Variants in TNIP3 observed in about 807,000 individuals in gnomAD.
The protein encoded by TNIP3 is TNFAIP3 interacting protein 3.
TNIP3 carries 34 observed loss-of-function variants against 54.1 expected under a neutral mutation model. The observed-to-expected ratio is 0.63, with a 90% CI of 0.48 to 0.84. TNIP3 has a LOEUF of 0.84. Ranked by LOEUF, TNIP3 falls within the 40% of genes least tolerant of loss-of-function variation. TNIP3 has a pLI of 0.00. For missense variants in TNIP3, 366 were observed against 387.6 expected (o/e 0.94, Z 0.47); for synonymous variants, 134 against 136.8 (o/e 0.98, Z 0.14).
upstream of TNIP3, among the ~76,000 whole-genome samples, chr4:121,166,712 T>C (rs1730787023): frequency 1.3e-5 from 2 of 152,212 alleles, no homozygotes; most frequent in Non-Finnish European, 2.9e-5. Context: ...GAGTACTATA[T>C]TTCTATAAGT....
At chr4:121,158,653 T>G in intron 3 of TNIP3, 34 bp downstream of exon 3, 2 of 1,557,860 alleles carry the variant, frequency 1.3e-6, no homozygotes, top group Non-Finnish European at 1.8e-6. Context: ...GATAATGGCT[T>G]TAAAGAAAAT....
intron 2 of TNIP3, among the ~76,000 whole-genome samples, chr4:121,197,237 C>CCT (rs1725641631): frequency 6.6e-6 from 1 of 152,070 alleles, no homozygotes; most frequent in South Asian, 2.1e-4. Context: ...TTTAAGAACA[C>CCT]CTAAGTCCTG....
At chr4:121,152,565 CATTCACCCATTCAATA>C (rs1729825664) in intron 5 of TNIP3, among the ~76,000 whole-genome samples, 1 of 152,100 alleles carries the variant, frequency 6.6e-6, no homozygotes, top group Non-Finnish European at 1.5e-5. Flanking sequence ...TAAATTCATC[CATTCACCCATTCAATA>C]AATATTTAAG....
intron 2 of TNIP3, among the ~76,000 whole-genome samples, chr4:121,205,447 A>G (rs1157801087): frequency 6.6e-6 from 1 of 152,090 alleles, no homozygotes; most frequent in East Asian, 1.9e-4. Flanking sequence ...CATTGTAAAA[A>G]CTTTGCATTT....
At chr4:121,146,227 T>A (rs1274615893) in intron 7 of TNIP3, among the ~76,000 whole-genome samples, 1 of 152,190 alleles carries the variant, frequency 6.6e-6, no homozygotes, top group Non-Finnish European at 1.5e-5. Context: ...AAATCAGAGA[T>A]AAAATTAAAT....
chr4:121,223,138 G>A (rs1047685463), intron 1 of TNIP3, among the ~76,000 whole-genome samples: 1 of 152,142 alleles, frequency 6.6e-6, no homozygotes, highest in South Asian at 2.1e-4. Flanking sequence ...TATGCTTCAG[G>A]TGAAACTAGT....
At chr4:121,141,269 C>T (rs1198957968) in intron 9 of TNIP3, among the ~76,000 whole-genome samples, 1 of 152,176 alleles carries the variant, frequency 6.6e-6, no homozygotes, top group African/African-American at 2.4e-5. Flanking sequence ...ATCAATTCCC[C>T]TCACAAATAA....
upstream of TNIP3, among the ~76,000 whole-genome samples, chr4:121,219,786 T>C (rs1290913573): frequency 1.3e-5 from 2 of 152,196 alleles, no homozygotes; most frequent in East Asian, 3.8e-4. Flanking sequence ...CAAATGTAAT[T>C]CACATACAAT....
At position 121,186,225 on chromosome 4, in the gene TNIP3, C is replaced by T. The variant is rs1378443540; in HGVS notation, c.69-3429G>A. On this transcript the variant is annotated intron_variant, in intron 2 of 12. Coordinates refer to the TNIP3 transcript ENST00000507879. ...AGAGAACCATATGGTGGTGACCAGA[C>T]GTGGGGGGGTTTGGTCACACCTATG... 3.9e-5 allele frequency among the ~76,000 whole-genome samples: 6 copies of T among 152,116 alleles called. 1 individual carries two copies. The highest frequency in any genetic ancestry group is 2.1e-4 in the South Asian group (1 of 4,818).
At chr4:121,225,274 G>C (rs1279432310) in intron 1 of TNIP3, among the ~76,000 whole-genome samples, 1 of 152,250 alleles carries the variant, frequency 6.6e-6, no homozygotes, top group East Asian at 1.9e-4. Context: ...AGATTCATTT[G>C]TTTGGATTGT....
chr4:121,200,492 G>T (rs1725822559), intron 2 of TNIP3, among the ~76,000 whole-genome samples: 1 of 152,148 alleles, frequency 6.6e-6, no homozygotes, highest in African/African-American at 2.4e-5. Context: ...ACAGTTGGCA[G>T]CTGTGGGGTC....
rs774779366 is a variant in TNIP3 at position 121,157,088 on chromosome 4, G to T, written c.363+6C>A. 2.1e-5 allele frequency: 34 copies of T among 1,612,940 alleles called. No individual in the cohort carries two copies. The African/African-American group carries it at 3.9e-4, about 18-fold the overall frequency. ...CTCCGGGCTCGAGGACCCGGGCCCC[G>T]CCCACCTCCTCCCGCTGCAGCCGGT... On this transcript the variant is annotated splice_donor_region_variant and intron_variant, in intron 4 of 10. Transcript: ENST00000057513.
At chr4:121,194,607 C>T (rs900027242) in intron 2 of TNIP3, among the ~76,000 whole-genome samples, 2 of 151,676 alleles carry the variant, frequency 1.3e-5, no homozygotes, top group Non-Finnish European at 2.9e-5. Context: ...GTATTCTAGC[C>T]CAAGGATTCT....
Position 121,159,574 on chromosome 4 carries a change from G to A in TNIP3, c.148-822C>T, listed in dbSNP as rs554102253. ...AGCCTAGGCTCCATTAACTGATCAC[G>A]ATTTTCTTGCAATAATGTGTTTTAA... On this transcript the variant is annotated intron_variant, in intron 2 of 10. Transcript: ENST00000057513. Among the ~76,000 whole-genome samples the A allele has an allele frequency of 5.9e-5, 9 of 152,236 alleles. No individual in the cohort carries two copies. In the South Asian group the frequency reaches 1.7e-3, roughly 28 times the overall value.
chr4:121,176,498 C>A lies in TNIP3; in HGVS notation c.189+6178G>T, dbSNP rs983493412. Among the ~76,000 whole-genome samples the A allele has an allele frequency of 1.4e-5, 2 of 147,064 alleles. 1 individual carries two copies. The stretch of plus-strand genomic sequence containing the variant: ...ATTAAAGAAAATTTTGAGGCTCAAG[C>A]TCATCCTACTAGCATTATGATGATG... On this transcript the variant is annotated intron_variant, in intron 3 of 12. Coordinates refer to the TNIP3 transcript ENST00000507879.
chr4:121,158,278 A>T (rs889659367), intron 3 of TNIP3, among the ~76,000 whole-genome samples: 1 of 152,154 alleles, frequency 6.6e-6, no homozygotes, highest in Admixed American at 6.5e-5. Context: ...TTTGTGGAAA[A>T]TAGGTCATGC....
In TNIP3 at chr4:121,135,591, G is replaced by C. The variant is rs537562491; in HGVS notation, c.947-2929C>G. On this transcript the variant is annotated intron_variant, in intron 10 of 10. Coordinates refer to ENST00000057513, the MANE Select transcript of TNIP3 (RefSeq NM_024873.6). ...TTTTGTATTTTTTTGTAGAGACAGGGTTTCACCATGTTGCCCAGGCTGGGC... is the reference window on the plus strand; with the variant it reads ...TTTTGTATTTTTTTGTAGAGACAGGCTTTCACCATGTTGCCCAGGCTGGGC... Among the ~76,000 whole-genome samples, 6 of 152,100 alleles carry C rather than the reference G, an allele frequency of 3.9e-5. No individual in the cohort carries two copies. In the East Asian group the frequency reaches 1.2e-3, roughly 29 times the overall value.
rs370002088 is a variant in TNIP3 at position 121,152,307 on chromosome 4, G to A, written c.493-2088C>T. ...GAAAAATATTCATTGTAAAATAGAAGAACAATAATATCTTACATTAGGTAC... is the reference window on the plus strand; with the variant it reads ...GAAAAATATTCATTGTAAAATAGAAAAACAATAATATCTTACATTAGGTAC... On this transcript the variant is annotated intron_variant, in intron 5 of 10. Transcript: ENST00000057513. Among the ~76,000 whole-genome samples, 7 of 152,124 alleles carry A rather than the reference G, an allele frequency of 4.6e-5. No homozygotes were observed. The South Asian group carries it at 1.4e-3, about 31-fold the overall frequency.
rs141510088 is a variant in TNIP3, at chr4:121,164,080, T to C, written c.46A>G (p.Ser16Gly). The C allele has an allele frequency of 7.6e-5, 122 of 1,613,756 alleles. 1 individual carries two copies. The East Asian group carries it at 2.7e-3, about 36-fold the overall frequency. The part of the protein sequence containing the change: ...QGTSRMIAAE[S>G]STEHKECAEP... ...CTTACCTCTTTATGCTCCGTAGAAC[T>C]TTCTGCGGCAATCATTCTAGATGTG... The change falls in exon 1 of 11, where the codon AGT (serine) becomes GGT (glycine). Residue 16 changes from serine (S) to glycine (G), a missense_variant. Physicochemically the swap from Ser to Gly is moderately conservative, Grantham distance 56. Coordinates refer to ENST00000057513, the MANE Select transcript of TNIP3 (RefSeq NM_024873.6).
Sources: gnomAD v4.1 joint callset for allele counts (sites outside exome capture counted in the v4.1 genomes callset) on GRCh38, gnomAD v4.1.1 for gene constraint, MANE v1.5 for transcripts, NCBI Gene and HGNC (gene_info 2026-07-23, HGNC 2026-07-21) for gene names.